Variants in MTA3 observed in about 807,000 individuals in gnomAD.
MTA3 encodes the protein metastasis-associated protein MTA3.
In MTA3, 34 loss-of-function variants were observed where a neutral mutation model predicts 83.5. The ratio of observed to expected loss-of-function variants is 0.41; its 90% CI spans 0.31 to 0.54. The LOEUF is 0.54. Among genes scored for constraint, MTA3 ranks in the 20% least tolerant of loss-of-function variants. The pLI is 0.33. For synonymous variants in MTA3, 303 were observed against 252.7 expected, an observed-to-expected ratio of 1.20 and a Z score of -1.89; for missense variants, 761 against 726.4, an observed-to-expected ratio of 1.05 and a Z score of -0.55.
intron 16 of MTA3, among the ~76,000 whole-genome samples, chr2:42,732,298 A>G (rs1032842803): frequency 6.6e-6 from 1 of 152,224 alleles, no homozygotes; most frequent in African/African-American, 2.4e-5. Context: ...CCAAACCTCA[A>G]TTCTTGACTT....
Position 42,657,763 on chromosome 2 carries a change from TA to T in MTA3, c.602+1481del, listed in dbSNP as rs60686385. 9.6e-3 allele frequency among the ~76,000 whole-genome samples: 1,222 copies of T among 127,460 alleles called. 16 individuals carry two copies. The highest frequency in any genetic ancestry group is 0.032 in the African/African-American group (1,083 of 33,550). The allele number at this position is 127,460 out of a possible 152,430, so 83.6% of individuals were successfully genotyped here. A position where few individuals can be genotyped will look rare whatever the true frequency, so the allele number is the denominator to read the frequency against. On this transcript the variant is annotated intron_variant, in intron 7 of 16. Transcript: ENST00000405094. ...GGCAATATAGTAAGACCTCATCTCT[TA>T]AAAAAAAAAAAAAAAAAAAGGGCCC...
intron 2 of MTA3, among the ~76,000 whole-genome samples, chr2:42,536,071 G>T (rs954638711): frequency 2.6e-5 from 4 of 151,516 alleles, no homozygotes; most frequent in African/African-American, 7.3e-5. Context: ...AGTAAGCTAT[G>T]TTCATGCCAG....
At chr2:42,644,295 C>G in intron 6 of MTA3, 51 bp downstream of exon 6, 1 of 1,200,756 alleles carries the variant, frequency 8.3e-7, no homozygotes, top group South Asian at 1.3e-5. Context: ...TATCTTGAAA[C>G]TCAAATATAC....
chr2:42,657,763 T>TAA (rs60686385), intron 7 of MTA3, among the ~76,000 whole-genome samples: 50 of 127,504 alleles, frequency 3.9e-4, no homozygotes, highest in African/African-American at 1.3e-3. Flanking sequence ...CCTCATCTCT[T>TAA]AAAAAAAAAA....
At chr2:42,723,703 T>C (rs1667601388) in intron 16 of MTA3, among the ~76,000 whole-genome samples, 2 of 152,218 alleles carry the variant, frequency 1.3e-5, no homozygotes, top group African/African-American at 4.8e-5. Context: ...ATGTTCTTCA[T>C]TTCAGTAGTT....
At chr2:42,620,466 A>G (rs1046701573) in intron 4 of MTA3, among the ~76,000 whole-genome samples, 3 of 151,640 alleles carry the variant, frequency 2.0e-5, no homozygotes, top group Admixed American at 6.6e-5. Flanking sequence ...ACCTAAACCC[A>G]CTTCTGTTGC....
intron 12 of MTA3, 56 bp downstream of exon 12, chr2:42,704,374 TG>T: frequency 6.2e-7 from 1 of 1,603,036 alleles, no homozygotes. Flanking sequence ...GCTCATGGGG[TG>T]TGAGCGTCTG....
intron 4 of MTA3, among the ~76,000 whole-genome samples, chr2:42,617,540 G>A (rs562678013): frequency 1.3e-5 from 2 of 152,228 alleles, no homozygotes; most frequent in Admixed American, 6.5e-5. Context: ...GGCCGGGCAT[G>A]GTGGCTCAAA....
chr2:42,724,513 G>T (rs888871653), intron 16 of MTA3, among the ~76,000 whole-genome samples: 2 of 151,776 alleles, frequency 1.3e-5, no homozygotes, highest in Non-Finnish European at 1.5e-5. Context: ...ATCTAGTGGC[G>T]CATGTCTGTA....
Position 42,546,998 on chromosome 2 carries a change from A to G in MTA3, c.-140-23439A>G, listed in dbSNP as rs1224642949. ...GGGAGCTAGCAGGGGCTAATCTGCCAGGCTTCACGAGGATGTGGACTTTAA... is the reference window on the plus strand; with the variant it reads ...GGGAGCTAGCAGGGGCTAATCTGCCGGGCTTCACGAGGATGTGGACTTTAA... On this transcript the variant is annotated intron_variant, in intron 2 of 17. Coordinates refer to the MTA3 transcript ENST00000405592. 3.9e-5 allele frequency among the ~76,000 whole-genome samples: 6 copies of G among 152,334 alleles called. No homozygotes were observed. The South Asian group carries it at 8.3e-4, about 21-fold the overall frequency.
intron 16 of MTA3, among the ~76,000 whole-genome samples, chr2:42,747,878 A>G (rs1203273749): frequency 6.6e-6 from 1 of 151,940 alleles, no homozygotes; most frequent in African/African-American, 2.4e-5. Flanking sequence ...CCATCACCAC[A>G]ATCAAAATAA....
intron 9 of MTA3, among the ~76,000 whole-genome samples, chr2:42,687,414 A>G (rs1369755081): frequency 6.6e-6 from 1 of 152,190 alleles, no homozygotes; most frequent in Non-Finnish European, 1.5e-5. Flanking sequence ...TAGTAGTACT[A>G]TTCCATTGTG....
intron 9 of MTA3, among the ~76,000 whole-genome samples, chr2:42,687,104 G>A (rs1472349504): frequency 6.6e-6 from 1 of 152,186 alleles, no homozygotes; most frequent in Non-Finnish European, 1.5e-5. Flanking sequence ...TCTAGCCTAG[G>A]TGTTAGAATG....
chr2:42,581,352 C>T (rs1468521486), intron 3 of MTA3, among the ~76,000 whole-genome samples: 1 of 149,474 alleles, frequency 6.7e-6, no homozygotes, highest in African/African-American at 2.5e-5. Context: ...ATGCCTGGTC[C>T]CAAATTGCTT....
Position 42,659,858 on chromosome 2 carries a change from C to G in MTA3, c.698C>G (p.Thr233Ser), listed in dbSNP as rs1689505849. 6.3e-7 allele frequency: 1 copy of G among 1,597,542 alleles called. No homozygotes were observed. Residue 233 changes from threonine to serine, a missense_variant, in exon 8 of 17, where the codon ACC (threonine) becomes AGC (serine). Coordinates refer to ENST00000405094, the MANE Select transcript of MTA3 (RefSeq NM_001330442.2). The part of the protein sequence containing the change: ...MSAAAASRDI[T>S]LFHAMDTLYR... ...GCTGCTGCAGCTTCCCGAGACATCACCTTGGTAAGACATGGTTTGAAATTT... is the reference window on the plus strand; with the variant it reads ...GCTGCTGCAGCTTCCCGAGACATCAGCTTGGTAAGACATGGTTTGAAATTT...
At chr2:42,746,298 C>G (rs533885519) in intron 16 of MTA3, among the ~76,000 whole-genome samples, 1 of 152,052 alleles carries the variant, frequency 6.6e-6, no homozygotes, top group African/African-American at 2.4e-5. Context: ...AGATGTTGTT[C>G]GAGCACAGAT....
intron 4 of MTA3, among the ~76,000 whole-genome samples, chr2:42,623,976 A>G (rs1299913342): frequency 1.3e-5 from 2 of 152,102 alleles, no homozygotes; most frequent in African/African-American, 4.8e-5. Flanking sequence ...GGCCTCCCAA[A>G]GTGCTGGGAT....
chr2:42,599,090 A>G (rs1558479030), intron 3 of MTA3, among the ~76,000 whole-genome samples: 1 of 152,150 alleles, frequency 6.6e-6, no homozygotes, highest in Non-Finnish European at 1.5e-5. Flanking sequence ...AGGGCTCAGG[A>G]CGGTGGCTAA....
At chr2:42,559,985 C>T (rs1037111856) in intron 2 of MTA3, among the ~76,000 whole-genome samples, 1 of 151,970 alleles carries the variant, frequency 6.6e-6, no homozygotes, top group African/African-American at 2.4e-5. Context: ...ATATGTCAAT[C>T]TCCTATCAAG....
Sources: gnomAD v4.1 joint callset for allele counts (sites outside exome capture counted in the v4.1 genomes callset) on GRCh38, gnomAD v4.1.1 for gene constraint, MANE v1.5 for transcripts, NCBI Gene and HGNC (gene_info 2026-07-23, HGNC 2026-07-21) for gene names.